MAML2: variants seen among roughly 807,000 people sequenced by gnomAD.
The protein encoded by MAML2 is mastermind like transcriptional coactivator 2, also known as mastermind-like protein 2.
In MAML2, 22 loss-of-function variants were observed where a neutral mutation model predicts 96.1. That is an observed-to-expected ratio of 0.23 (90% confidence interval 0.16 to 0.33). MAML2 has a LOEUF of 0.33. Ranked by LOEUF, MAML2 falls within the 10% of genes least tolerant of loss-of-function variation. The pLI, the probability that MAML2 is intolerant of heterozygous loss-of-function variation, is 1.00. For synonymous variants in MAML2, 561 were observed against 521.3 expected (o/e 1.08, Z -1.04); for missense variants, 1,367 against 1,392.4 (o/e 0.98, Z 0.29).
intron 1 of MAML2, among the ~76,000 whole-genome samples, chr11:96,236,838 C>A (rs970372256): frequency 6.6e-6 from 1 of 152,094 alleles, no homozygotes; most frequent in African/African-American, 2.4e-5. Context: ...GAGCTCTCTG[C>A]CTTTACCACA....
At chr11:96,080,034 A>G (rs1859507773) in intron 2 of MAML2, among the ~76,000 whole-genome samples, 1 of 152,178 alleles carries the variant, frequency 6.6e-6, no homozygotes, top group Admixed American at 6.5e-5. Context: ...AATGAAAGAA[A>G]AGTTAGGTAT....
rs1317842621 is a variant in MAML2, at chr11:96,242,731, G to A, written c.513+98652C>T. Among the ~76,000 whole-genome samples, 3 of 152,128 alleles carry A rather than the reference G, an allele frequency of 2.0e-5. 1 individual carries two copies. Among genetic ancestry groups the A allele is most frequent in the Admixed American group, 2.0e-4 (3 of 15,272 alleles). On this transcript the variant is annotated intron_variant, in intron 1 of 4. Transcript: ENST00000524717. ...GGATAGACTCTGGCACTCAAGCACTGAAAAAGCAGGAGCATGATAAAGGGG... is the reference window on the plus strand; with the variant it reads ...GGATAGACTCTGGCACTCAAGCACTAAAAAAGCAGGAGCATGATAAAGGGG...
intron 1 of MAML2, among the ~76,000 whole-genome samples, chr11:96,334,028 T>C (rs778197948): frequency 1.3e-5 from 2 of 152,182 alleles, no homozygotes; most frequent in African/African-American, 4.8e-5. Context: ...TTAGGAGTCC[T>C]AGAATCTTAG....
intron 1 of MAML2, among the ~76,000 whole-genome samples, chr11:96,142,854 A>AT (rs1170172281): frequency 2.0e-5 from 3 of 152,118 alleles, no homozygotes; most frequent in South Asian, 2.1e-4. Flanking sequence ...GAAAACAACT[A>AT]TTTTTTTGTT....
chr11:96,124,692 CGTGT>C (rs892062755), intron 1 of MAML2, among the ~76,000 whole-genome samples: 2 of 151,916 alleles, frequency 1.3e-5, no homozygotes, highest in Admixed American at 6.6e-5. Flanking sequence ...CGTGTGTGTG[CGTGT>C]GTGTGAGACA....
intron 2 of MAML2, among the ~76,000 whole-genome samples, chr11:96,045,143 A>G (rs936661933): frequency 1.3e-5 from 2 of 152,136 alleles, no homozygotes; most frequent in African/African-American, 4.8e-5. Context: ...GCCTTTTTCT[A>G]ATTTGCTCAA....
chr11:96,262,096 C>T (rs1388484502), intron 1 of MAML2, among the ~76,000 whole-genome samples: 1 of 152,118 alleles, frequency 6.6e-6, no homozygotes, highest in East Asian at 1.9e-4. Flanking sequence ...GAGGATGGAA[C>T]CCAGAAATCC....
chr11:96,028,763 A>G (rs898398198), intron 2 of MAML2, among the ~76,000 whole-genome samples: 2 of 152,220 alleles, frequency 1.3e-5, no homozygotes, highest in African/African-American at 4.8e-5. Flanking sequence ...GGCAGAGGGA[A>G]ATGTGACACA....
intron 1 of MAML2, among the ~76,000 whole-genome samples, chr11:96,115,895 T>C (rs1021275369): frequency 5.9e-5 from 9 of 152,290 alleles, no homozygotes; most frequent in African/African-American, 2.2e-4. Context: ...CATCTTAGTG[T>C]CTATTCAGGC....
chr11:96,061,158 G>T (rs548123653), intron 2 of MAML2, among the ~76,000 whole-genome samples: 4 of 152,318 alleles, frequency 2.6e-5, no homozygotes, highest in East Asian at 1.9e-4. Flanking sequence ...GAACTTCTCT[G>T]CAGGTTGTCG....
chr11:96,235,624 T>C (rs1302981224), intron 1 of MAML2, among the ~76,000 whole-genome samples: 1 of 152,224 alleles, frequency 6.6e-6, no homozygotes, highest in Non-Finnish European at 1.5e-5. Context: ...TGATCATCTA[T>C]TCCTTATTAA....
In MAML2 at chr11:96,092,183, C is replaced by T. The variant is rs111801400; in HGVS notation, c.1848G>A (p.Gln616=). 156 of 1,539,742 alleles carry T rather than the reference C, an allele frequency of 1.0e-4. No individual in the cohort carries two copies. The highest frequency in any genetic ancestry group is 3.4e-4 in the Middle Eastern group (2 of 5,924). Residue 616 remains glutamine, a synonymous_variant, in exon 2 of 5, where the codon CAG becomes CAA. Coordinates refer to ENST00000524717, the MANE Select transcript of MAML2 (RefSeq NM_032427.4). The surrounding 1 kb of genome is among the most constrained non-coding windows in gnomAD (Gnocchi z 4.1). ...AAATTGAACTCTGCTGTTGCTGTTG[C>T]TGTTGCTGTTGCTGCTGCTGCTGCT... The part of the protein sequence containing the change: ...QQQQQQQQQQ[Q]QQQQQSSISA...
intron 1 of MAML2, among the ~76,000 whole-genome samples, chr11:96,311,958 C>G (rs117041875): frequency 0.029 from 4,378 of 151,990 alleles, 76 homozygotes; most frequent in Non-Finnish European, 0.044. Flanking sequence ...GAGCAAACAC[C>G]GGCCAGGCTT....
At chr11:96,024,622 T>C (rs1858486268) in intron 2 of MAML2, among the ~76,000 whole-genome samples, 1 of 152,224 alleles carries the variant, frequency 6.6e-6, no homozygotes, top group Non-Finnish European at 1.5e-5. Context: ...TCTCTTCTGG[T>C]TTCCTACTGA....
intron 1 of MAML2, among the ~76,000 whole-genome samples, chr11:96,113,051 A>G (rs1323239084): frequency 1.3e-5 from 2 of 148,524 alleles, no homozygotes; most frequent in African/African-American, 5.0e-5. Context: ...ATCTTTTATG[A>G]ACAATCTGAA....
At chr11:96,132,462 T>C (rs1860562937) in intron 1 of MAML2, among the ~76,000 whole-genome samples, 1 of 152,224 alleles carries the variant, frequency 6.6e-6, no homozygotes, top group African/African-American at 2.4e-5. Flanking sequence ...TTTGCATTTA[T>C]AAAGTTATAG....
chr11:96,147,932 C>T (rs2135873374), intron 1 of MAML2, among the ~76,000 whole-genome samples: 1 of 152,290 alleles, frequency 6.6e-6, no homozygotes, highest in East Asian at 1.9e-4. Flanking sequence ...CATCACCTGC[C>T]ACTCTGAAAG....
Position 96,226,547 on chromosome 11 carries a change from C to G in MAML2, c.513+114836G>C, listed in dbSNP as rs1862212190. On this transcript the variant is annotated intron_variant, in intron 1 of 4. Coordinates refer to ENST00000524717, the MANE Select transcript of MAML2 (RefSeq NM_032427.4). ...GCTCTAGAGGAAAGATTTTTTTTCT[C>G]CACATGCCAAACTGCCAAGCATTAC... Among the ~76,000 whole-genome samples the G allele has an allele frequency of 5.9e-5, 9 of 152,008 alleles. No homozygotes were observed. The South Asian group carries it at 1.9e-3, about 32-fold the overall frequency.
chr11:96,227,996 G>C (rs1378185366), intron 1 of MAML2, among the ~76,000 whole-genome samples: 1 of 152,208 alleles, frequency 6.6e-6, no homozygotes, highest in Non-Finnish European at 1.5e-5. Context: ...CAGCCACTCG[G>C]GGGGCTGAGG....
Sources: gnomAD v4.1 joint callset for allele counts (sites outside exome capture counted in the v4.1 genomes callset) on GRCh38, gnomAD v4.1.1 for gene constraint, Gnocchi (gnomAD v3.1) non-coding constraint, MANE v1.5 for transcripts, NCBI Gene and HGNC (gene_info 2026-07-23, HGNC 2026-07-21) for gene names.